Variants in RP1L1 observed in about 807,000 individuals in gnomAD.
RP1L1 encodes the protein RP1 like 1.
A neutral mutation model predicts 15.7 loss-of-function variants in RP1L1; 27 were observed. That is an observed-to-expected ratio of 1.72 (90% CI 1.27 to 2.38). The LOEUF (loss-of-function observed/expected upper bound fraction) is 2.38, where lower values mean the gene tolerates loss of function less well. Ranked by LOEUF, RP1L1 falls within the 30% of genes most tolerant of loss-of-function variation. The pLI, the probability that RP1L1 is intolerant of heterozygous loss-of-function variation, is 0.00. For synonymous variants in RP1L1, 1,813 were observed against 1,276.7 expected, an observed-to-expected ratio of 1.42 and a Z score of -8.96; for missense variants, 4,798 against 3,075.9, an observed-to-expected ratio of 1.56 and a Z score of -13.24.
At chr8:10,615,491 C>T (rs1009928419) in intron 3 of RP1L1, among the ~76,000 whole-genome samples, 20 of 152,118 alleles carry the variant, frequency 1.3e-4, no homozygotes, top group South Asian at 4.1e-4. Flanking sequence ...AAGGATGCAA[C>T]GCCAGGCACA....
rs775708703 is a variant in RP1L1, at chr8:10,611,991, G to C, written c.2107C>G (p.Arg703Gly). 41 of 1,613,760 alleles carry C rather than the reference G, an allele frequency of 2.5e-5. 1 individual carries two copies. Among genetic ancestry groups the C allele is most frequent in the South Asian group, 2.2e-4 (20 of 91,092 alleles). ...GTGCTCGATGAGCTTCCAGAATATC[G>C]TGGCACTGAGCCATCCTGGCAGGCC... Reference protein sequence around the residue: ...RRACQDGSVPRYSGSSSSTRT... With the variant: ...RRACQDGSVPGYSGSSSSTRT... The change falls in exon 4 of 4, where the codon CGA becomes GGA. Residue 703 changes from arginine (R) to glycine (G), a missense_variant. Physicochemically the swap from Arg to Gly is moderately radical, Grantham distance 125 (BLOSUM62 -2). Coordinates refer to ENST00000382483, the MANE Select transcript of RP1L1 (RefSeq NM_178857.6).
chr8:10,610,004 T>A lies in RP1L1; in HGVS notation c.4094A>T (p.Glu1365Val). 6.3e-7 allele frequency: 1 copy of A among 1,588,592 alleles called. No individual in the cohort carries two copies. Among genetic ancestry groups the A allele is most frequent in the Middle Eastern group, 1.7e-4 (1 of 6,024 alleles). ...QLEEIEETGGEGLQEEGVQLE... is the reference protein window; with the variant it reads ...QLEEIEETGGVGLQEEGVQLE... ...CTGCACCCCCTCTTCTTGCAGCCCT[T>A]CTCCTCCTGTTTCTTCAATTTCCTC... Residue 1365 changes from glutamate to valine, a missense_variant, in exon 4 of 4, where the codon GAA becomes GTA. Glu to Val is a moderately radical substitution (Grantham distance 121, BLOSUM62 -2). Coordinates refer to ENST00000382483, the MANE Select transcript of RP1L1 (RefSeq NM_178857.6).
At position 10,634,307 on chromosome 8, in the gene RP1L1, A is replaced by G. The variant is rs28625845; in HGVS notation, c.-19-11087T>C. Among the ~76,000 whole-genome samples the G allele has an allele frequency of 6.9e-3, 1,051 of 152,192 alleles. 13 individuals carry two copies. Among genetic ancestry groups the G allele is most frequent in the Middle Eastern group, 0.024 (7 of 294 alleles). ...TGCGCTCTCCCAGGACCCGAGAAGG[A>G]GCAGCACCGATGCTTGTGGGCAGAG... On this transcript the variant is annotated intron_variant, in intron 1 of 3. Coordinates refer to ENST00000382483, the MANE Select transcript of RP1L1 (RefSeq NM_178857.6).
intron 1 of RP1L1, among the ~76,000 whole-genome samples, chr8:10,627,256 G>A (rs1798173411): frequency 6.6e-6 from 1 of 152,098 alleles, no homozygotes; most frequent in Non-Finnish European, 1.5e-5. Flanking sequence ...CGGATGAACA[G>A]ATTAACAAAA....
rs11988722 is a variant in RP1L1, at chr8:10,626,858, C to T, written c.-19-3638G>A. Among the ~76,000 whole-genome samples the T allele has an allele frequency of 5.2e-3, 788 of 152,216 alleles. 2 individuals are homozygous for T. The highest frequency in any genetic ancestry group is 0.018 in the African/African-American group (750 of 41,534). On this transcript the variant is annotated intron_variant, in intron 1 of 3. Transcript: ENST00000382483. ...TTCGATTGATTCTGGGTGCTGAGAG[C>T]GGCAGGAGCCACTGTGCTCCAACCT...
intron 2 of RP1L1, among the ~76,000 whole-genome samples, chr8:10,617,211 T>G (rs1797981598): frequency 6.6e-6 from 1 of 152,008 alleles, no homozygotes. Flanking sequence ...GCAGGCCATG[T>G]CACTGCAGAA....
intron 1 of RP1L1, among the ~76,000 whole-genome samples, chr8:10,644,122 C>T (rs180779138): frequency 3.9e-5 from 6 of 152,114 alleles, no homozygotes; most frequent in Admixed American, 3.9e-4. Flanking sequence ...TTGAGCTCTG[C>T]CCCCTGCCAT....
intron 1 of RP1L1, among the ~76,000 whole-genome samples, chr8:10,647,774 G>A (rs1359774096): frequency 6.6e-6 from 1 of 152,056 alleles, no homozygotes; most frequent in South Asian, 2.1e-4. Flanking sequence ...CTACCTTTTG[G>A]CTATTGTGAA....
intron 1 of RP1L1, among the ~76,000 whole-genome samples, chr8:10,638,485 T>C (rs747357720): frequency 6.6e-6 from 1 of 152,176 alleles, no homozygotes; most frequent in Non-Finnish European, 1.5e-5. Context: ...TTCAATTGTT[T>C]GAAGTCCCAG....
At chr8:10,647,643 C>T (rs527519752) in intron 1 of RP1L1, among the ~76,000 whole-genome samples, 1 of 152,218 alleles carries the variant, frequency 6.6e-6, no homozygotes, top group Non-Finnish European at 1.5e-5. Flanking sequence ...TCCAACATTT[C>T]AACGTGTTGC....
At chr8:10,627,988 G>A (rs1798184387) in intron 1 of RP1L1, among the ~76,000 whole-genome samples, 1 of 152,224 alleles carries the variant, frequency 6.6e-6, no homozygotes, top group Non-Finnish European at 1.5e-5. Context: ...ACAGCTTGGG[G>A]AGGCAGGCTC....
chr8:10,618,055 G>A (rs898507947), intron 2 of RP1L1, among the ~76,000 whole-genome samples: 1 of 152,158 alleles, frequency 6.6e-6, no homozygotes, highest in African/African-American at 2.4e-5. Flanking sequence ...AGCAATGCTT[G>A]GGGATGTATT....
intron 3 of RP1L1, among the ~76,000 whole-genome samples, chr8:10,615,248 T>C (rs939431107): frequency 1.3e-5 from 2 of 152,250 alleles, no homozygotes; most frequent in Admixed American, 6.5e-5. Context: ...TCACAAAGGA[T>C]AGTACTTTGT....
In RP1L1 at chr8:10,611,060, G is replaced by C. The variant is rs1190115004; in HGVS notation, c.3038C>G (p.Ser1013Cys). The change falls in exon 4 of 4, where the codon TCC becomes TGC. Residue 1013 changes from serine to cysteine, a missense_variant. Physicochemically the swap from Ser to Cys is moderately radical, Grantham distance 112. Coordinates refer to ENST00000382483, the MANE Select transcript of RP1L1 (RefSeq NM_178857.6). ...LGEPAQAGQQ[S>C]LEGDPGQDPE... ...GTCCTGGCCGGGGTCCCCTTCCAGG[G>C]ACTGCTGTCCCGCCTGAGCTGGCTC... is the stretch of plus-strand genomic sequence containing the variant. The C allele has an allele frequency of 6.2e-7, 1 of 1,612,670 alleles. No homozygotes were observed. The highest frequency in any genetic ancestry group is 1.3e-5 in the African/African-American group (1 of 74,916).
chr8:10,611,189 A>C lies in RP1L1; in HGVS notation c.2909T>G (p.Leu970Arg). ...WLDNIPEEPILMTYELADETT... is the reference protein window; with the variant it reads ...WLDNIPEEPIRMTYELADETT... ...CTCGTCCGCCAACTCATATGTCATGAGTATGGGCTCTTCTGGAATGTTGTC... is the reference window on the plus strand; with the variant it reads ...CTCGTCCGCCAACTCATATGTCATGCGTATGGGCTCTTCTGGAATGTTGTC... The change falls in exon 4 of 4, where the codon CTC becomes CGC. Residue 970 changes from leucine to arginine, a missense_variant. Physicochemically the swap from Leu to Arg is moderately radical, Grantham distance 102 (BLOSUM62 -2). Transcript: ENST00000382483. 6.2e-7 allele frequency: 1 copy of C among 1,612,830 alleles called. No homozygotes were observed. Among genetic ancestry groups the C allele is most frequent in the Non-Finnish European group, 8.5e-7 (1 of 1,179,998 alleles).
chr8:10,652,137 C>T (rs149964583), intron 1 of RP1L1, among the ~76,000 whole-genome samples: 4 of 152,136 alleles, frequency 2.6e-5, no homozygotes, highest in South Asian at 2.1e-4. Flanking sequence ...ACTCTATGAT[C>T]GCATGATGAC....
At position 10,608,237 on chromosome 8, in the gene RP1L1, G is replaced by C; in HGVS notation, c.5861C>G (p.Thr1954Ser). 1 of 1,564,920 alleles carries C rather than the reference G, an allele frequency of 6.4e-7. No individual in the cohort carries two copies. Among genetic ancestry groups the C allele is most frequent in the Non-Finnish European group, 8.7e-7 (1 of 1,153,784 alleles). ...EEAAQEAEGQ[T>S]QPESEVIESQ... The stretch of plus-strand genomic sequence containing the variant: ...CTCTATAACTTCTGACTCTGGCTGG[G>C]TCTGCCCTTCTGCCTCCTGGGCCGC... Residue 1954 changes from threonine (T) to serine (S), a missense_variant, in exon 4 of 4, where the codon ACC (threonine) becomes AGC (serine). By Grantham distance (58) the Thr-to-Ser change is moderately conservative. Coordinates refer to ENST00000382483, the MANE Select transcript of RP1L1 (RefSeq NM_178857.6).
intron 3 of RP1L1, among the ~76,000 whole-genome samples, chr8:10,614,069 T>C (rs116782299): frequency 0.031 from 4,745 of 152,300 alleles, 218 homozygotes; most frequent in African/African-American, 0.1. Context: ...TCTCGAGAGA[T>C]GGCAGACTTG....
At chr8:10,628,936 C>T (rs1260789343) in intron 1 of RP1L1, among the ~76,000 whole-genome samples, 1 of 152,228 alleles carries the variant, frequency 6.6e-6, no homozygotes, top group African/African-American at 2.4e-5. Context: ...CCTGGATTTG[C>T]AGGGCTTACA....
Sources: gnomAD v4.1 joint callset for allele counts (sites outside exome capture counted in the v4.1 genomes callset) on GRCh38, gnomAD v4.1.1 for gene constraint, MANE v1.5 for transcripts, NCBI Gene and HGNC (gene_info 2026-07-23, HGNC 2026-07-21) for gene names.